SLC35F3: variants seen among roughly 807,000 people sequenced by gnomAD.
SLC35F3 encodes putative thiamine transporter SLC35F3.
In SLC35F3, 25 loss-of-function variants were observed where a neutral mutation model predicts 49.9. The ratio of observed to expected loss-of-function variants is 0.50; its 90% CI spans 0.37 to 0.70. SLC35F3 has a LOEUF of 0.70. Among genes scored for constraint, SLC35F3 ranks in the 30% least tolerant of loss-of-function variants. The pLI is 0.00. For missense variants in SLC35F3, 525 were observed against 639.8 expected (o/e 0.82, Z 1.94); for synonymous variants, 275 against 265.4 (o/e 1.04, Z -0.35).
chr1:233,911,519 T>A (rs80158611), intron 2 of SLC35F3, among the ~76,000 whole-genome samples: 7,229 of 152,224 alleles, frequency 0.047, 284 homozygotes, highest in Non-Finnish European at 0.068. Context: ...GTAAATAGTT[T>A]CTGAGTTTTG....
At chr1:234,267,273 T>C in intron 3 of SLC35F3, among the ~76,000 whole-genome samples, 1 of 125,762 alleles carries the variant, frequency 8.0e-6, no homozygotes, top group African/African-American at 3.2e-5. Flanking sequence ...CTCCCATGTC[T>C]ACTTCTATCC....
At chr1:234,273,751 G>A (rs1442420757) in intron 3 of SLC35F3, among the ~76,000 whole-genome samples, 1 of 152,128 alleles carries the variant, frequency 6.6e-6, no homozygotes, top group African/African-American at 2.4e-5. Flanking sequence ...GGAGAAATGG[G>A]GACTTGATGG....
intron 2 of SLC35F3, among the ~76,000 whole-genome samples, chr1:233,913,651 A>G (rs1184031024): frequency 6.6e-6 from 1 of 152,226 alleles, no homozygotes; most frequent in Non-Finnish European, 1.5e-5. Flanking sequence ...TTCCTCAGGC[A>G]CATACACAAA....
At chr1:234,235,571 A>G (rs1344949975) in intron 3 of SLC35F3, among the ~76,000 whole-genome samples, 1 of 152,220 alleles carries the variant, frequency 6.6e-6, no homozygotes, top group Non-Finnish European at 1.5e-5. Flanking sequence ...GATCTGGGGC[A>G]TTTTCAGTCT....
At chr1:233,959,913 C>T (rs1309956629) in intron 2 of SLC35F3, among the ~76,000 whole-genome samples, 5 of 152,172 alleles carry the variant, frequency 3.3e-5, no homozygotes, top group Admixed American at 2.6e-4. Context: ...CTGGAGTGCC[C>T]AACTTCTCTT....
chr1:234,007,198 T>C (rs550026876), intron 2 of SLC35F3, among the ~76,000 whole-genome samples: 31 of 152,226 alleles, frequency 2.0e-4, no homozygotes, highest in African/African-American at 7.2e-4. Flanking sequence ...AGCAAATTAT[T>C]AATATATAAT....
intron 2 of SLC35F3, among the ~76,000 whole-genome samples, chr1:234,164,401 C>G (rs536120491): frequency 1.3e-5 from 2 of 149,994 alleles, no homozygotes; most frequent in Non-Finnish European, 3.0e-5. Context: ...TCTCTCTCCC[C>G]GCTCCCTCCC....
At chr1:233,944,854 G>A (rs1012936025) in intron 2 of SLC35F3, among the ~76,000 whole-genome samples, 2 of 151,360 alleles carry the variant, frequency 1.3e-5, no homozygotes, top group African/African-American at 2.4e-5. Context: ...ATGCTCTTAC[G>A]ATTGTAGAGG....
intron 2 of SLC35F3, among the ~76,000 whole-genome samples, chr1:234,186,313 C>G (rs753766679): frequency 2.6e-5 from 4 of 152,192 alleles, no homozygotes; most frequent in Non-Finnish European, 5.9e-5. Context: ...CTTTGGCTGT[C>G]AAGACCAAGT....
intron 2 of SLC35F3, among the ~76,000 whole-genome samples, chr1:234,221,205 G>T (rs1041836347): frequency 1.3e-5 from 2 of 152,098 alleles, no homozygotes; most frequent in African/African-American, 4.8e-5. Flanking sequence ...GTGGGTGGGG[G>T]CATTACTGGA....
At position 234,237,173 on chromosome 1, in the gene SLC35F3, G is replaced by A. The variant is rs530220337; in HGVS notation, c.608+5432G>A. On this transcript the variant is annotated intron_variant, in intron 3 of 7. Transcript: ENST00000366618. Reference sequence around the variant, plus strand: ...ATAATCAGAGCTGCTTTCAAAAGTAGGATTCATGGTACTAATTATGTAACT... The same window carrying A: ...ATAATCAGAGCTGCTTTCAAAAGTAAGATTCATGGTACTAATTATGTAACT... Among the ~76,000 whole-genome samples the A allele has an allele frequency of 2.7e-4, 41 of 151,760 alleles. 1 individual carries two copies. Among genetic ancestry groups the A allele is most frequent in the African/African-American group, 9.7e-4 (40 of 41,370 alleles).
chr1:234,193,258 G>A (rs1023084948), intron 2 of SLC35F3, among the ~76,000 whole-genome samples: 3 of 152,112 alleles, frequency 2.0e-5, no homozygotes, highest in Admixed American at 6.6e-5. Context: ...ATAGACCAAC[G>A]GAACAGAATA....
At chr1:233,919,379 C>G (rs1481479256) in intron 2 of SLC35F3, among the ~76,000 whole-genome samples, 1 of 152,224 alleles carries the variant, frequency 6.6e-6, no homozygotes, top group Non-Finnish European at 1.5e-5. Flanking sequence ...GGCCACATCA[C>G]TGTCCCTCAG....
rs563662832 is a variant in SLC35F3 at position 234,103,677 on chromosome 1, C to G, written c.284-127740C>G. 3.3e-5 allele frequency among the ~76,000 whole-genome samples: 5 copies of G among 152,342 alleles called. No homozygotes were observed. In the South Asian group the frequency reaches 1.0e-3, roughly 32 times the overall value. On this transcript the variant is annotated intron_variant, in intron 2 of 7. Coordinates refer to ENST00000366618, the MANE Select transcript of SLC35F3 (RefSeq NM_173508.4). ...ATCTTCCTGTCAGGGGCAGACTCTGCTTGCCCTACACAATAGCTGTATCCT... is the reference window on the plus strand; with the variant it reads ...ATCTTCCTGTCAGGGGCAGACTCTGGTTGCCCTACACAATAGCTGTATCCT...
At chr1:234,221,361 A>T (rs1667201779) in intron 2 of SLC35F3, among the ~76,000 whole-genome samples, 1 of 152,224 alleles carries the variant, frequency 6.6e-6, no homozygotes, top group Non-Finnish European at 1.5e-5. Flanking sequence ...GCAACAATTA[A>T]TGCAACGGTG....
intron 3 of SLC35F3, among the ~76,000 whole-genome samples, chr1:234,260,064 C>A (rs1339847062): frequency 2.6e-5 from 4 of 151,318 alleles, no homozygotes; most frequent in African/African-American, 9.7e-5. Context: ...ACTTCTACGG[C>A]AAAAAAAATG....
intron 3 of SLC35F3, among the ~76,000 whole-genome samples, chr1:234,308,825 A>G (rs989220372): frequency 1.3e-5 from 2 of 152,094 alleles, no homozygotes; most frequent in African/African-American, 4.8e-5. Flanking sequence ...GTCAGATAAC[A>G]CACCAACATT....
chr1:234,063,441 A>G (rs1664572994), intron 2 of SLC35F3, among the ~76,000 whole-genome samples: 1 of 152,094 alleles, frequency 6.6e-6, no homozygotes, highest in Non-Finnish European at 1.5e-5. Flanking sequence ...CTTAATCTAA[A>G]TGGGTACAGG....
At chr1:234,032,788 C>G (rs144449589) in intron 2 of SLC35F3, among the ~76,000 whole-genome samples, 11 of 152,216 alleles carry the variant, frequency 7.2e-5, no homozygotes, top group Admixed American at 7.2e-4. Flanking sequence ...GGCATTTGTT[C>G]CATATTTTTG....
Sources: gnomAD v4.1 joint callset for allele counts (sites outside exome capture counted in the v4.1 genomes callset) on GRCh38, gnomAD v4.1.1 for gene constraint, MANE v1.5 for transcripts, NCBI Gene and HGNC (gene_info 2026-07-23, HGNC 2026-07-21) for gene names.